KCNN3: variants seen among roughly 807,000 people sequenced by gnomAD.
KCNN3 encodes the protein small conductance calcium-activated potassium channel protein 3.
In KCNN3, 16 loss-of-function variants were observed where a neutral mutation model predicts 62.9. The observed-to-expected ratio is 0.25, with a 90% confidence interval of 0.17 to 0.39. KCNN3 has a LOEUF of 0.39. Ranked by LOEUF, KCNN3 falls within the 10% of genes least tolerant of loss-of-function variation. KCNN3 has a pLI of 1.00. For missense variants in KCNN3, 599 were observed against 949.4 expected (o/e 0.63, Z 4.85); for synonymous variants, 370 against 389.2 (o/e 0.95, Z 0.58).
intron 5 of KCNN3, among the ~76,000 whole-genome samples, chr1:154,717,667 G>A (rs1345523325): frequency 1.3e-5 from 2 of 152,014 alleles, no homozygotes; most frequent in African/African-American, 4.8e-5. Context: ...AGCACGGCCC[G>A]GGTAGCTGAG....
intron 2 of KCNN3, among the ~76,000 whole-genome samples, chr1:154,773,892 C>G (rs1648677965): frequency 6.6e-6 from 1 of 152,200 alleles, no homozygotes; most frequent in Non-Finnish European, 1.5e-5. Context: ...TCCTTCTCCC[C>G]ACTCAGAGAA....
intron 1 of KCNN3, among the ~76,000 whole-genome samples, chr1:154,851,427 A>G (rs1652295126): frequency 6.6e-6 from 1 of 152,160 alleles, no homozygotes; most frequent in Non-Finnish European, 1.5e-5. Context: ...CAGGTGCTAC[A>G]CGCATTATAT....
Position 154,713,469 on chromosome 1 carries a change from A to C in KCNN3, c.1894T>G (p.Ser632Ala), listed in dbSNP as rs1414628428. The part of the protein sequence containing the change: ...SDQANTLVDL[S>A]KMQNVMYDLI... ...CTCCAGACACTGCCACTCACCTTGG[A>C]AAGGTCCACCAGAGTGTTGGCTTGG... is the stretch of plus-strand genomic sequence containing the variant. The change falls in exon 7 of 8, where the codon TCC (serine) becomes GCC (alanine). Residue 632 changes from serine to alanine, a missense_variant. Around this residue, in one of 7 missense-constraint regions of KCNN3, gnomAD observed 288 missense variants for 557.4 expected, o/e 0.52. Coordinates refer to ENST00000271915, the MANE Select transcript of KCNN3 (RefSeq NM_002249.6). 1 of 1,613,256 alleles carries C rather than the reference A, an allele frequency of 6.2e-7. No individual in the cohort carries two copies. The highest frequency in any genetic ancestry group is 1.7e-5 in the Admixed American group (1 of 60,002).
intron 2 of KCNN3, among the ~76,000 whole-genome samples, chr1:154,780,842 G>A (rs1024323062): frequency 6.6e-6 from 1 of 152,100 alleles, no homozygotes; most frequent in East Asian, 1.9e-4. Flanking sequence ...GGCGGGTGGG[G>A]GTTGGGAAGC....
chr1:154,750,526 C>G (rs1647320161), intron 3 of KCNN3, among the ~76,000 whole-genome samples: 1 of 152,142 alleles, frequency 6.6e-6, no homozygotes, highest in African/African-American at 2.4e-5. Flanking sequence ...CGCATCAACT[C>G]TCACAGCTCT....
intron 1 of KCNN3, among the ~76,000 whole-genome samples, chr1:154,848,237 G>A (rs1010756947): frequency 2.6e-5 from 4 of 152,042 alleles, no homozygotes; most frequent in Admixed American, 2.0e-4. Flanking sequence ...GCAATGTGGC[G>A]AGTGGGCCAC....
At chr1:154,836,476 C>T (rs976446053) in intron 1 of KCNN3, among the ~76,000 whole-genome samples, 39 of 152,254 alleles carry the variant, frequency 2.6e-4, no homozygotes, top group African/African-American at 8.4e-4. Context: ...AATGCCCCAT[C>T]TCCGACCCCA....
intron 5 of KCNN3, among the ~76,000 whole-genome samples, chr1:154,724,768 A>G (rs1024706354): frequency 5.9e-5 from 9 of 152,344 alleles, no homozygotes; most frequent in Non-Finnish European, 1.0e-4. Flanking sequence ...CAAGTGAGAA[A>G]CATTACCCGG....
Position 154,715,018 on chromosome 1 carries a change from A to G in KCNN3, c.1702-15T>C. On this transcript the variant is annotated splice_polypyrimidine_tract_variant and intron_variant, in intron 5 of 7. Coordinates refer to ENST00000271915, the MANE Select transcript of KCNN3 (RefSeq NM_002249.6). The stretch of plus-strand genomic sequence containing the variant: ...GCATTCTTGATCTAAGGAAGAATAA[A>G]TAAAGTAGGCTGCTATCAGGTTCAT... 6.2e-7 allele frequency: 1 copy of G among 1,613,478 alleles called. No homozygotes were observed. The highest frequency in any genetic ancestry group is 8.5e-7 in the Non-Finnish European group (1 of 1,179,540).
rs1557932467 is a variant in KCNN3, at chr1:154,704,546, A to C, written c.*3430T>G. The C allele has an allele frequency of 6.6e-6, 1 of 152,114 alleles. No homozygotes were observed. The highest frequency in any genetic ancestry group is 1.5e-5 in the Non-Finnish European group (1 of 68,026). The allele number at this position is 152,114 out of a possible 1,614,324, so 9.4% of individuals were successfully genotyped here. ...CAGTACATCCCTGACTTTACAGTAC[A>C]TGAAGCTTTAATATGGCTTAAGCAA... On this transcript the variant is annotated 3_prime_UTR_variant, in exon 8 of 8. Transcript: ENST00000271915.
chr1:154,856,765 C>A (rs1201545432), intron 1 of KCNN3, among the ~76,000 whole-genome samples: 1 of 152,202 alleles, frequency 6.6e-6, no homozygotes, highest in Non-Finnish European at 1.5e-5. Flanking sequence ...AGCCACACAG[C>A]CTACAGTAAG....
At chr1:154,866,801 G>A (rs1335342900) in intron 1 of KCNN3, among the ~76,000 whole-genome samples, 1 of 152,206 alleles carries the variant, frequency 6.6e-6, no homozygotes, top group Non-Finnish European at 1.5e-5. Context: ...AATGCGGGGA[G>A]CCAAGCACCT....
At chr1:154,714,762 C>T in intron 6 of KCNN3, 114 bp downstream of exon 6, 2 of 1,423,086 alleles carry the variant, frequency 1.4e-6, no homozygotes, top group East Asian at 2.3e-5. Context: ...CAGTTCACCA[C>T]TCCACTTGTT....
intron 2 of KCNN3, among the ~76,000 whole-genome samples, chr1:154,781,932 G>A (rs1228152666): frequency 6.6e-6 from 1 of 152,210 alleles, no homozygotes; most frequent in African/African-American, 2.4e-5. Context: ...ACAGGGCAAA[G>A]GAAATGAGAG....
chr1:154,802,749 A>G (rs945363551), intron 2 of KCNN3, among the ~76,000 whole-genome samples: 4 of 152,172 alleles, frequency 2.6e-5, no homozygotes, highest in Non-Finnish European at 5.9e-5. Flanking sequence ...ACTTAACCCC[A>G]GGGACCTGAA....
At chr1:154,822,646 C>T (rs1650949771) in intron 1 of KCNN3, among the ~76,000 whole-genome samples, 1 of 152,222 alleles carries the variant, frequency 6.6e-6, no homozygotes, top group East Asian at 1.9e-4. Flanking sequence ...ATTTCGGAGG[C>T]AGAATTCTTT....
At chr1:154,850,202 T>A (rs1168767534) in intron 1 of KCNN3, among the ~76,000 whole-genome samples, 1 of 152,216 alleles carries the variant, frequency 6.6e-6, no homozygotes, top group Admixed American at 6.5e-5. Context: ...GTCACCGGCC[T>A]AAGCTCCTTC....
chr1:154,738,885 C>T (rs938504063), intron 3 of KCNN3, among the ~76,000 whole-genome samples: 2 of 152,128 alleles, frequency 1.3e-5, no homozygotes, highest in African/African-American at 4.8e-5. Flanking sequence ...TGAATAGAGT[C>T]AAATTAGTGT....
intron 3 of KCNN3, among the ~76,000 whole-genome samples, chr1:154,758,399 AAGG>A (rs753040227): frequency 7.9e-5 from 12 of 152,196 alleles, no homozygotes; most frequent in Non-Finnish European, 1.3e-4. Context: ...AGATATTTAA[AAGG>A]AGTTTTACTA....
Sources: gnomAD v4.1 joint callset for allele counts (sites outside exome capture counted in the v4.1 genomes callset) on GRCh38, gnomAD v4.1.1 for gene constraint, gnomAD v4.1.1 regional missense constraint, MANE v1.5 for transcripts, NCBI Gene and HGNC (gene_info 2026-07-23, HGNC 2026-07-21) for gene names.